AP4M1: variants seen among roughly 807,000 people sequenced by gnomAD.
The protein encoded by AP4M1 is adaptor related protein complex 4 subunit mu 1.
Under a neutral mutation model 62.4 loss-of-function variants are expected in AP4M1, and 58 were observed. That is an observed-to-expected ratio of 0.93 (90% CI 0.75 to 1.16). AP4M1 has a LOEUF of 1.16. Ranked by LOEUF, AP4M1 falls within the 50% of genes most tolerant of loss-of-function variation. AP4M1 has a pLI of 0.00. For missense variants in AP4M1, 626 were observed against 585.4 expected (o/e 1.07, Z -0.72); for synonymous variants, 290 against 239.7 (o/e 1.21, Z -1.94).
Position 100,108,468 on chromosome 7 carries a change from C to G in AP4M1, c.*1586C>G. On this transcript the variant is annotated 3_prime_UTR_variant, in exon 15 of 15. Transcript: ENST00000359593. ...GAGCAGAGGAGGGGCCCAAGGGACC[C>G]GAATTCTGCCCGATAGGCGTCCTGA... 6.2e-7 allele frequency: 1 copy of G among 1,613,920 alleles called. No individual in the cohort carries two copies. The highest frequency in any genetic ancestry group is 8.5e-7 in the Non-Finnish European group (1 of 1,179,912).
intron 11 of AP4M1, 96 bp downstream of exon 11, chr7:100,105,635 G>T: frequency 8.0e-7 from 1 of 1,257,082 alleles, no homozygotes. Flanking sequence ...GGTGGTAGTG[G>T]TGATGGAGTG....
chr7:100,101,628 C>T (rs1398779915), upstream of AP4M1: 4 of 1,361,352 alleles, frequency 2.9e-6, no homozygotes, highest in Admixed American at 1.7e-5. Context: ...CTTAAAGGGC[C>T]AGCGCACACG....
Position 100,107,799 on chromosome 7 carries a change from G to T in AP4M1, c.*917G>T. ...GGCAGCTACAGCCCTGCAGGACCCT[G>T]GTGGGCGCCTCTTCCAGCTCTTGAC... On this transcript the variant is annotated 3_prime_UTR_variant, in exon 15 of 15. Coordinates refer to ENST00000359593, the MANE Select transcript of AP4M1 (RefSeq NM_004722.4). The T allele has an allele frequency of 1.4e-6, 2 of 1,388,076 alleles. No individual in the cohort carries two copies. The highest frequency in any genetic ancestry group is 1.9e-6 in the Non-Finnish European group (2 of 1,035,432). 86.0% of individuals were successfully genotyped at this position (1,388,076 alleles called of 1,614,324 possible).
intron 2 of AP4M1, chr7:100,102,248 G>A (rs1290571347): frequency 5.2e-6 from 3 of 581,198 alleles, no homozygotes; most frequent in African/African-American, 3.8e-5. Context: ...AAACATAGCT[G>A]GGCGTGGTGG....
rs1796561587 is a variant in AP4M1, at chr7:100,106,886, TC to T, written c.*8del. The stretch of plus-strand genomic sequence containing the variant: ...CGCCTATGTCATTCGGATCTGAGGC[TC>T]CCCAAACGAGGACACGACGGCCAAG... On this transcript the variant is annotated 3_prime_UTR_variant, in exon 15 of 15. Coordinates refer to ENST00000359593, the MANE Select transcript of AP4M1 (RefSeq NM_004722.4). The T allele has an allele frequency of 6.2e-7, 1 of 1,611,758 alleles. No homozygotes were observed. The highest frequency in any genetic ancestry group is 8.5e-7 in the Non-Finnish European group (1 of 1,179,852).
In AP4M1 at chr7:100,108,195, G is replaced by GCTC; in HGVS notation, c.*1315_*1317dup. 6.7e-7 allele frequency: 1 copy of GCTC among 1,483,402 alleles called. No homozygotes were observed. Among genetic ancestry groups the GCTC allele is most frequent in the Admixed American group, 2.1e-5 (1 of 47,260 alleles). The allele number at this position is 1,483,402 out of a possible 1,614,324, so 91.9% of individuals were successfully genotyped here. On this transcript the variant is annotated 3_prime_UTR_variant, in exon 15 of 15. Coordinates refer to ENST00000359593, the MANE Select transcript of AP4M1 (RefSeq NM_004722.4). ...GAGGAGTCTGAAGGGAGAGGCCTGG[G>GCTC]CTCCCCTCGCTCTTCCTCAGTGGCT...
At chr7:100,101,637 C>T (rs930100595), upstream of AP4M1, 2 of 1,411,452 alleles carry the variant, frequency 1.4e-6, no homozygotes, top group African/African-American at 1.4e-5. Flanking sequence ...CCAGCGCACA[C>T]GCGTTCTTTT....
chr7:100,106,110 G>C, intron 12 of AP4M1, 107 bp downstream of exon 12: 1 of 1,550,164 alleles, frequency 6.5e-7, no homozygotes, highest in East Asian at 2.2e-5. Flanking sequence ...TCAGAAGCCA[G>C]TTAAGGTAGA....
rs768942294 is a variant in AP4M1 at position 100,107,591 on chromosome 7, T to G, written c.*709T>G. On this transcript the variant is annotated 3_prime_UTR_variant, in exon 15 of 15. Transcript: ENST00000359593. ...TGACGGGCGAAGTGGTGGTGGAACC[T>G]GAGCCGGGGGCCGAGGTGCTGAGGG... 1 of 1,613,562 alleles carries G rather than the reference T, an allele frequency of 6.2e-7. No individual in the cohort carries two copies.
rs369242269 is a variant in AP4M1 at position 100,104,062 on chromosome 7, C to T, written c.544-30C>T. The T allele has an allele frequency of 1.9e-5, 30 of 1,608,806 alleles. No homozygotes were observed. In the African/African-American group the frequency reaches 2.9e-4, roughly 16 times the overall value. On this transcript the variant is annotated intron_variant, in intron 6 of 14. Transcript: ENST00000359593. ...TTTCAGAACATAGGCTATTCTGCTT[C>T]CAACCACCCAAATTCTCTCTCTTTC...
Position 100,107,920 on chromosome 7 carries a change from G to T in AP4M1, c.*1038G>T. The stretch of plus-strand genomic sequence containing the variant: ...CAGATGCTCCCTGTCCCACAGCTCT[G>T]CATACCTGCTGGGTGGATGGGGCGC... On this transcript the variant is annotated 3_prime_UTR_variant, in exon 15 of 15. Coordinates refer to ENST00000359593, the MANE Select transcript of AP4M1 (RefSeq NM_004722.4). 6.2e-7 allele frequency: 1 copy of T among 1,602,858 alleles called. No individual in the cohort carries two copies. The highest frequency in any genetic ancestry group is 8.5e-7 in the Non-Finnish European group (1 of 1,173,368).
rs200561621 is a variant in AP4M1, at chr7:100,103,703, G to C, written c.543+11G>C. ...AGTCGCTCTGACCAGGTGAGGGAAG[G>C]ATCCATGGGGTCAGACGCTCTGGTT... On this transcript the variant is annotated intron_variant, in intron 6 of 14. Coordinates refer to ENST00000359593, the MANE Select transcript of AP4M1 (RefSeq NM_004722.4). The C allele has an allele frequency of 2.5e-5, 40 of 1,610,718 alleles. No individual in the cohort carries two copies. The East Asian group carries it at 4.2e-4, about 17-fold the overall frequency.
chr7:100,105,903 T>C (rs747609468), intron 11 of AP4M1, 56 bp from the exon 12 acceptor site: 647 of 1,598,906 alleles, frequency 4.0e-4, no homozygotes, highest in Non-Finnish European at 5.2e-4. Context: ...TGGTGGGGAA[T>C]GGTGAGATGC....
chr7:100,102,328 T>A (rs1247961685), intron 2 of AP4M1: 16 of 511,908 alleles, frequency 3.1e-5, no homozygotes, highest in Non-Finnish European at 3.2e-5. Flanking sequence ...GAGGCAGAGG[T>A]TGCAGTGAGC....
chr7:100,101,583 G>C, upstream of AP4M1: 1 of 1,016,702 alleles, frequency 9.8e-7, no homozygotes, highest in East Asian at 2.5e-5. Context: ...CGGGTTTCCC[G>C]CGGTCCGAGC....
At chr7:100,104,519 G>A (rs1796307635) in intron 7 of AP4M1, among the ~76,000 whole-genome samples, 1 of 149,418 alleles carries the variant, frequency 6.7e-6, no homozygotes, top group African/African-American at 2.5e-5. Context: ...GCAAGACCCT[G>A]TCTCTTAAAA....
At position 100,108,074 on chromosome 7, in the gene AP4M1, G is replaced by GA; in HGVS notation, c.*1192_*1193insA. On this transcript the variant is annotated 3_prime_UTR_variant, in exon 15 of 15. Transcript: ENST00000359593. The stretch of plus-strand genomic sequence containing the variant: ...GCCAGGAACCTTCAGCAAGCCAGGG[G>GA]TGCGAGGGCCAGGCTGTGGGGCCTG... The GA allele has an allele frequency of 6.2e-7, 1 of 1,612,020 alleles. No homozygotes were observed. Among genetic ancestry groups the GA allele is most frequent in the Non-Finnish European group, 8.5e-7 (1 of 1,179,554 alleles).
At chr7:100,105,844 C>G (rs1796427139) in intron 11 of AP4M1, 115 bp from the exon 12 acceptor site, 8 of 1,287,192 alleles carry the variant, frequency 6.2e-6, no homozygotes, top group Non-Finnish European at 9.1e-6. Context: ...CAGCCCTTTT[C>G]CCTCTTGGGA....
At chr7:100,104,532 A>T (rs1033762501) in intron 7 of AP4M1, among the ~76,000 whole-genome samples, 2 of 150,436 alleles carry the variant, frequency 1.3e-5, no homozygotes, top group African/African-American at 4.9e-5. Flanking sequence ...TCTTAAAAAA[A>T]ATAAATAAGT....
Sources: allele counts gnomAD v4.1 joint callset (sites outside exome capture counted in the v4.1 genomes callset), GRCh38; gene constraint gnomAD v4.1.1; transcripts MANE v1.5; gene names NCBI Gene and HGNC (gene_info 2026-07-23, HGNC 2026-07-21).